WNK2: variants seen among roughly 807,000 people sequenced by gnomAD.
The protein encoded by WNK2 is serine/threonine-protein kinase WNK2.
Under a neutral mutation model 192.1 loss-of-function variants are expected in WNK2, and 67 were observed. The observed-to-expected ratio is 0.35, with a 90% CI of 0.29 to 0.43. The LOEUF (loss-of-function observed/expected upper bound fraction) is 0.43. Ranked by LOEUF, WNK2 falls within the 20% of genes least tolerant of loss-of-function variation. The pLI is 1.00. For synonymous variants in WNK2, 1,439 were observed against 1,393.9 expected (o/e 1.03, Z -0.72); for missense variants, 2,698 against 3,089.7 (o/e 0.87, Z 3.01).
At chr9:93,311,179 T>C (rs1464740081) in intron 28 of WNK2, among the ~76,000 whole-genome samples, 3 of 152,228 alleles carry the variant, frequency 2.0e-5, no homozygotes, top group Non-Finnish European at 4.4e-5. Context: ...TTCCACTGGC[T>C]TATTCTACTT....
chr9:93,204,225 G>C (rs1427017891), intron 2 of WNK2, among the ~76,000 whole-genome samples: 1 of 152,202 alleles, frequency 6.6e-6, no homozygotes, highest in African/African-American at 2.4e-5. Context: ...CTTCACAGCT[G>C]TCTGTGAGGT....
rs371460060 is a variant in WNK2, at chr9:93,239,952, G to C, written c.1518G>C (p.Thr506=). The change falls in exon 7 of 30, where the codon ACG becomes ACC. Residue 506 remains threonine (T), a synonymous_variant. Transcript: ENST00000427277. This position sits in a 1 kb window ranked among gnomAD's most constrained non-coding sequence, Gnocchi z 4.2. ...IEFTFDLEKE[T]PDEVAQEMIE... is the part of the protein sequence containing the mutation. ...TCACCTTCGACCTGGAGAAGGAGAC[G>C]CCGGATGAGGTGGCCCAAGAGATGG... 1.2e-6 allele frequency: 2 copies of C among 1,611,656 alleles called. No homozygotes were observed. Among genetic ancestry groups the C allele is most frequent in the Non-Finnish European group, 1.7e-6 (2 of 1,178,972 alleles).
intron 2 of WNK2, among the ~76,000 whole-genome samples, chr9:93,201,822 C>T (rs1028091955): frequency 2.0e-5 from 3 of 152,350 alleles, no homozygotes; most frequent in Non-Finnish European, 2.9e-5. Flanking sequence ...CTCTGTTCCC[C>T]GAGGGGAGCG....
In WNK2 at chr9:93,190,768, G is replaced by A. The variant is rs181003900; in HGVS notation, c.681+5158G>A. Among the ~76,000 whole-genome samples the A allele has an allele frequency of 3.3e-5, 5 of 152,304 alleles. No homozygotes were observed. The East Asian group carries it at 9.7e-4, about 29-fold the overall frequency. ...GTTCTTATTTTTCCTCACATTAAAC[G>A]TGGACGCAAATGTCCACACGTGCCC... On this transcript the variant is annotated intron_variant, in intron 2 of 29. Transcript: ENST00000427277.
intron 5 of WNK2, among the ~76,000 whole-genome samples, chr9:93,236,794 G>A (rs1228075166): frequency 6.6e-6 from 1 of 152,272 alleles, no homozygotes; most frequent in Non-Finnish European, 1.5e-5. Flanking sequence ...TCAAGGAGGA[G>A]GTGTGGGGAG....
At chr9:93,294,863 G>A (rs1304257913) in intron 23 of WNK2, among the ~76,000 whole-genome samples, 2 of 152,136 alleles carry the variant, frequency 1.3e-5, no homozygotes, top group African/African-American at 2.4e-5. Flanking sequence ...TGGGAGGGCC[G>A]TGGAGTCCAG....
intron 16 of WNK2, among the ~76,000 whole-genome samples, chr9:93,266,419 T>C (rs1845184141): frequency 6.6e-6 from 1 of 152,252 alleles, no homozygotes; most frequent in African/African-American, 2.4e-5. Context: ...TATTTTGTTT[T>C]CAAGTTAATT....
At chr9:93,317,768 C>T (rs2134473566) in intron 29 of WNK2, 137 bp downstream of exon 29, 1 of 1,468,824 alleles carries the variant, frequency 6.8e-7, no homozygotes, top group African/African-American at 1.4e-5. Flanking sequence ...GCAGCTGGAA[C>T]ACCCCCCAGG....
chr9:93,231,174 C>T (rs1838728783), intron 4 of WNK2, 66 bp downstream of exon 4: 6 of 1,495,872 alleles, frequency 4.0e-6, no homozygotes, highest in South Asian at 1.2e-5. Flanking sequence ...TGAGTGCTGG[C>T]GAGCATCCAG....
At chr9:93,317,429 T>G in intron 28 of WNK2, 91 bp from the exon 29 acceptor site, 6 of 1,269,924 alleles carry the variant, frequency 4.7e-6, no homozygotes, top group South Asian at 1.3e-5. Flanking sequence ...CTCCTGAGGA[T>G]GGAGAAACTG....
At chr9:93,248,013 C>T (rs143533706) in intron 8 of WNK2, among the ~76,000 whole-genome samples, 179 bp downstream of exon 8, 3 of 152,354 alleles carry the variant, frequency 2.0e-5, no homozygotes, top group South Asian at 4.1e-4. Context: ...CCTCACGTAG[C>T]GTGGGTGATT....
chr9:93,265,250 A>G (rs1039870422), intron 16 of WNK2, among the ~76,000 whole-genome samples: 2 of 152,338 alleles, frequency 1.3e-5, no homozygotes, highest in Admixed American at 1.3e-4. Context: ...GTAGCAGAGG[A>G]GCAGTGTGGT....
chr9:93,293,305 CAG>C (rs1322611134), intron 23 of WNK2, 132 bp downstream of exon 23: 6 of 707,976 alleles, frequency 8.5e-6, no homozygotes, highest in South Asian at 3.1e-5. Context: ...CAAGCAGGGA[CAG>C]GGGAGTGATG....
intron 19 of WNK2, among the ~76,000 whole-genome samples, chr9:93,285,011 T>A (rs4743910): frequency 0.12 from 17,574 of 152,254 alleles, 1,138 homozygotes; most frequent in Middle Eastern, 0.15. Context: ...TGAATGATTG[T>A]TCTGATCAAT....
intron 2 of WNK2, among the ~76,000 whole-genome samples, chr9:93,197,928 A>C (rs1049989860): frequency 2.5e-4 from 38 of 152,258 alleles, no homozygotes; most frequent in Non-Finnish European, 3.4e-4. Context: ...CCCTAGAGGA[A>C]GTCAGAGTGC....
chr9:93,202,197 G>A (rs990985019), intron 2 of WNK2, among the ~76,000 whole-genome samples: 4 of 152,178 alleles, frequency 2.6e-5, no homozygotes, highest in Admixed American at 2.0e-4. Context: ...CCCTAGTGGG[G>A]TGGCCGCTCA....
At chr9:93,248,503 A>C (rs973693914) in intron 8 of WNK2, among the ~76,000 whole-genome samples, 1 of 152,252 alleles carries the variant, frequency 6.6e-6, no homozygotes, top group Admixed American at 6.5e-5. Context: ...TGTGAAGGCC[A>C]GGTGAGGTGG....
chr9:93,293,279 G>T (rs1041916475), intron 23 of WNK2, 106 bp downstream of exon 23: 2 of 1,132,568 alleles, frequency 1.8e-6, no homozygotes, highest in Non-Finnish European at 2.3e-6. Context: ...GCCAAGCAGC[G>T]CCCACTTGGA....
intron 28 of WNK2, chr9:93,308,898 T>C: frequency 8.2e-7 from 1 of 1,222,198 alleles, no homozygotes; most frequent in East Asian, 4.0e-5. Context: ...TCAGAGCAGG[T>C]AGCCCTGGTC....
Sources: allele counts gnomAD v4.1 joint callset (sites outside exome capture counted in the v4.1 genomes callset), GRCh38; gene constraint gnomAD v4.1.1; non-coding constraint Gnocchi (gnomAD v3.1); transcripts MANE v1.5; gene names NCBI Gene and HGNC (gene_info 2026-07-23, HGNC 2026-07-21).